Variants in FRY observed in about 807,000 individuals in gnomAD.
FRY encodes the protein protein furry homolog.
In FRY, 128 loss-of-function variants were observed where a neutral mutation model predicts 348.4. The observed-to-expected ratio is 0.37, with a 90% CI of 0.32 to 0.43. The LOEUF (loss-of-function observed/expected upper bound fraction) is 0.43, where lower values mean the gene tolerates loss of function less well. Among genes scored for constraint, FRY ranks in the 20% least tolerant of loss-of-function variants. The pLI is 1.00. For synonymous variants in FRY, 1,370 were observed against 1,374.7 expected, an observed-to-expected ratio of 1.00 and a Z score of 0.08; for missense variants, 2,736 against 3,695.2, an observed-to-expected ratio of 0.74 and a Z score of 6.73.
intron 7 of FRY, among the ~76,000 whole-genome samples, chr13:32,131,067 C>T (rs1224166885): frequency 1.3e-5 from 2 of 152,176 alleles, no homozygotes; most frequent in Admixed American, 6.5e-5. Flanking sequence ...CTGCCCGCAT[C>T]GGCCTCCCAA....
In FRY at chr13:32,236,168, T is replaced by G; in HGVS notation, c.5806T>G (p.Ser1936Ala). ...GAACAGTGACCTCCTAACTGTATTG[T>G]CCCGGTGAGAATCAGCTTAATGATA... ...LKNSDLLTVL[S>A]RSSSPDLSSS... Residue 1936 changes from serine (S) to alanine (A), a missense_variant, in exon 43 of 61, where the codon TCC becomes GCC. Coordinates refer to ENST00000542859, the MANE Select transcript of FRY (RefSeq NM_023037.3). 1 of 1,606,436 alleles carries G rather than the reference T, an allele frequency of 6.2e-7. No individual in the cohort carries two copies. The highest frequency in any genetic ancestry group is 1.1e-5 in the South Asian group (1 of 90,928).
chr13:32,153,377 C>T (rs114451218), intron 14 of FRY, among the ~76,000 whole-genome samples: 8 of 152,238 alleles, frequency 5.3e-5, no homozygotes, highest in African/African-American at 1.9e-4. Flanking sequence ...AATGCACAAA[C>T]TGCTGATACT....
chr13:32,079,104 T>G, intron 2 of FRY, 71 bp downstream of exon 2: 1 of 1,037,732 alleles, frequency 9.6e-7, no homozygotes, highest in Non-Finnish European at 1.5e-6. Flanking sequence ...ATTTAAACAC[T>G]ATAACAAAAG....
intron 51 of FRY, among the ~76,000 whole-genome samples, chr13:32,256,760 C>G (rs138693869): frequency 6.7e-4 from 102 of 152,266 alleles, no homozygotes; most frequent in African/African-American, 2.4e-3. Context: ...TGACCTTAAG[C>G]ATGGATGCAA....
At chr13:32,117,506 A>ATTTTG (rs765177240) in intron 4 of FRY, 33 bp downstream of exon 4, 171 of 1,607,052 alleles carry the variant, frequency 1.1e-4, no homozygotes, top group Non-Finnish European at 1.4e-4. Flanking sequence ...TCATGGTTTT[A>ATTTTG]TTTTGTTTTG....
At chr13:32,282,570 T>C (rs866622544) in intron 58 of FRY, among the ~76,000 whole-genome samples, 10 of 152,202 alleles carry the variant, frequency 6.6e-5, no homozygotes, top group Admixed American at 2.6e-4. Context: ...CCCTACCCAG[T>C]CTGGTCCGGT....
At chr13:32,070,207 A>G (rs1303588914) in intron 1 of FRY, among the ~76,000 whole-genome samples, 1 of 152,218 alleles carries the variant, frequency 6.6e-6, no homozygotes, top group Non-Finnish European at 1.5e-5. Flanking sequence ...AGCATGATTT[A>G]TAATCCTTTG....
At chr13:32,265,371 A>G in intron 53 of FRY, 79 bp from the exon 54 acceptor site, 2 of 1,354,552 alleles carry the variant, frequency 1.5e-6, no homozygotes, top group Middle Eastern at 1.8e-4. Flanking sequence ...AGTCTCTCTT[A>G]TTTGTTCCTT....
intron 3 of FRY, among the ~76,000 whole-genome samples, chr13:32,104,512 G>A (rs560456230): frequency 2.0e-5 from 3 of 152,322 alleles, no homozygotes; most frequent in African/African-American, 4.8e-5. Context: ...TGAACCAATA[G>A]TAAGATGGTC....
intron 3 of FRY, among the ~76,000 whole-genome samples, chr13:32,109,090 G>T (rs1050392056): frequency 6.6e-6 from 1 of 151,998 alleles, no homozygotes; most frequent in African/African-American, 2.4e-5. Context: ...AAGCTAAAGG[G>T]GCCTAAACTA....
In FRY at chr13:32,187,653, A is replaced by G; in HGVS notation, c.3588A>G (p.Leu1196=). Reference sequence around the variant, plus strand: ...ACAACATTCTGGCTTGTCAAGATTTACGAGTAAGTATAGGCAAAAATACAT... The same window carrying G: ...ACAACATTCTGGCTTGTCAAGATTTGCGAGTAAGTATAGGCAAAAATACAT... ...WLDNILACQD[L]RVHQLGCEVV... Residue 1196 remains leucine, a synonymous_variant, in exon 28 of 61, where the codon TTA becomes TTG. Transcript: ENST00000542859. The G allele has an allele frequency of 1.3e-6, 2 of 1,559,436 alleles. No individual in the cohort carries two copies. The highest frequency in any genetic ancestry group is 1.8e-6 in the Non-Finnish European group (2 of 1,129,940).
Position 32,179,726 on chromosome 13 carries a change from A to G in FRY, c.2923A>G (p.Met975Val). The G allele has an allele frequency of 1.2e-6, 2 of 1,613,710 alleles. No individual in the cohort carries two copies. Among genetic ancestry groups the G allele is most frequent in the Non-Finnish European group, 1.7e-6 (2 of 1,179,604 alleles). ...TCTGTTAAAGCAGTTGGTGCCTTTGATGAGACTAGAGAGCATTGAGATCAC... is the reference window on the plus strand; with the variant it reads ...TCTGTTAAAGCAGTTGGTGCCTTTGGTGAGACTAGAGAGCATTGAGATCAC... The part of the protein sequence containing the change: ...GVLLKQLVPL[M>V]RLESIEITES... The change falls in exon 23 of 61, where the codon ATG becomes GTG. Residue 975 changes from methionine to valine, a missense_variant. By Grantham distance (21) the Met-to-Val change is conservative (BLOSUM62 1). Transcript: ENST00000542859.
rs369269394 is a variant in FRY at position 32,178,359 on chromosome 13, C to T, written c.2604C>T (p.His868=). The change falls in exon 21 of 61, where the codon CAC becomes CAT. Residue 868 remains histidine, a synonymous_variant. Coordinates refer to ENST00000542859, the MANE Select transcript of FRY (RefSeq NM_023037.3). ...SFLRQENLPK[H]CPTALSYAWP... ...TCCGGCAGGAGAACTTACCCAAGCA[C>T]TGCCCCACAGCCCTCAGCTATGCCT... 211 of 1,614,098 alleles carry T rather than the reference C, an allele frequency of 1.3e-4. 1 individual carries two copies. The highest frequency in any genetic ancestry group is 3.0e-4 in the South Asian group (27 of 91,084).
intron 51 of FRY, among the ~76,000 whole-genome samples, chr13:32,260,800 G>A (rs1269604237): frequency 6.6e-6 from 1 of 151,256 alleles, no homozygotes; most frequent in African/African-American, 2.4e-5. Context: ...TCCAGCCTGG[G>A]CAACAGCAAG....
At chr13:32,167,551 A>G (rs1881808464) in intron 17 of FRY, among the ~76,000 whole-genome samples, 1 of 152,206 alleles carries the variant, frequency 6.6e-6, no homozygotes, top group Admixed American at 6.5e-5. Flanking sequence ...AATTTAGCTA[A>G]TTACATCTGC....
intron 46 of FRY, among the ~76,000 whole-genome samples, chr13:32,240,846 G>A (rs773736660): frequency 1.3e-5 from 2 of 152,156 alleles, no homozygotes; most frequent in Non-Finnish European, 2.9e-5. Context: ...ATGCCAGATA[G>A]GTTAAAAATC....
chr13:32,079,249 TA>T (rs1316815020), intron 2 of FRY, among the ~76,000 whole-genome samples: 1 of 152,248 alleles, frequency 6.6e-6, no homozygotes, highest in East Asian at 1.9e-4. Context: ...CAGCAAATAC[TA>T]TTCAGTAGCA....
chr13:32,093,284 A>G (rs1440523074), intron 2 of FRY, among the ~76,000 whole-genome samples: 1 of 152,180 alleles, frequency 6.6e-6, no homozygotes, highest in African/African-American at 2.4e-5. Context: ...CAAACTGCCA[A>G]TTGTATCATG....
intron 13 of FRY, among the ~76,000 whole-genome samples, chr13:32,148,305 C>T (rs981202128): frequency 6.6e-5 from 10 of 151,930 alleles, no homozygotes; most frequent in African/African-American, 1.9e-4. Context: ...AAGGGTCTGG[C>T]GTTCAGAGAA....
Sources: gnomAD v4.1 joint callset for allele counts (sites outside exome capture counted in the v4.1 genomes callset) on GRCh38, gnomAD v4.1.1 for gene constraint, MANE v1.5 for transcripts, NCBI Gene and HGNC (gene_info 2026-07-23, HGNC 2026-07-21) for gene names.